The following TNRC6C variants were observed in gnomAD, a reference collection of about 807,000 sequenced individuals.
TNRC6C encodes the protein trinucleotide repeat-containing gene 6C protein.
In TNRC6C, 20 loss-of-function variants were observed where a neutral mutation model predicts 153.7. That is an observed-to-expected ratio of 0.13 (90% CI 0.09 to 0.19). The LOEUF is 0.19. TNRC6C is among the 10% of genes least tolerant of loss of function. The pLI, the probability that TNRC6C is intolerant of heterozygous loss-of-function variation, is 1.00. For synonymous variants in TNRC6C, 811 were observed against 841.4 expected, an observed-to-expected ratio of 0.96 and a Z score of 0.63; for missense variants, 1,987 against 2,172.0, an observed-to-expected ratio of 0.91 and a Z score of 1.69.
intron 17 of TNRC6C, among the ~76,000 whole-genome samples, chr17:78,099,451 A>G (rs1172983827): frequency 2.0e-5 from 3 of 152,224 alleles, no homozygotes; most frequent in Admixed American, 1.3e-4. Context: ...CAATCCTGGT[A>G]GAAGGTGAAA....
chr17:78,015,386 G>A (rs896236626), intron 1 of TNRC6C, among the ~76,000 whole-genome samples: 7 of 152,048 alleles, frequency 4.6e-5, no homozygotes, highest in African/African-American at 1.7e-4. Context: ...TAAAATGTGT[G>A]GGTTAAAAAT....
intron 8 of TNRC6C, among the ~76,000 whole-genome samples, chr17:78,076,429 A>G (rs1313040256): frequency 6.6e-6 from 1 of 152,206 alleles, no homozygotes; most frequent in East Asian, 1.9e-4. Context: ...TTGGAATTAC[A>G]GATAAATAAT....
At position 77,976,657 on chromosome 17, in the gene TNRC6C, G is replaced by A. The variant is rs144176679; in HGVS notation, c.-38+17389G>A. ...ATATATAAAACTTGGGGCCGGATAC[G>A]GTGGCTCATGCCTGTAATCCCAGCA... On this transcript the variant is annotated intron_variant, in intron 1 of 22. Transcript: ENST00000636222. Among the ~76,000 whole-genome samples the A allele has an allele frequency of 2.7e-3, 410 of 152,174 alleles. 1 individual carries two copies. The highest frequency in any genetic ancestry group is 7.9e-3 in the African/African-American group (328 of 41,518).
At chr17:78,004,213 GAAAAGA>G (rs766553751), upstream of TNRC6C, 28 of 1,231,478 alleles carry the variant, frequency 2.3e-5, no homozygotes, top group Non-Finnish European at 2.5e-5. Context: ...TTTGATGGAA[GAAAAGA>G]AAAAGAAAAA....
At chr17:77,961,857 C>T (rs2070865523) in intron 1 of TNRC6C, among the ~76,000 whole-genome samples, 2 of 152,222 alleles carry the variant, frequency 1.3e-5, no homozygotes, top group Non-Finnish European at 2.9e-5. Flanking sequence ...ATCACCGCTA[C>T]CGCCACCTTT....
exon 4 of TNRC6C, chr17:78,064,781 G>C: frequency 6.2e-7 from 1 of 1,613,846 alleles, no homozygotes; most frequent in Non-Finnish European, 8.5e-7. Context: ...CTCTTGGGGA[G>C]AACCATCCTC....
intron 18 of TNRC6C, chr17:78,102,809 AT>A (rs1263669233): frequency 2.2e-6 from 1 of 462,104 alleles, no homozygotes; most frequent in Non-Finnish European, 3.8e-6. Context: ...TGCTCTGTAA[AT>A]AGAATTGTTT....
intron 3 of TNRC6C, among the ~76,000 whole-genome samples, chr17:78,055,276 G>A (rs1406221130): frequency 3.3e-5 from 5 of 152,094 alleles, no homozygotes; most frequent in African/African-American, 1.2e-4. Flanking sequence ...GTTAGCCTAG[G>A]CCTACACAGG....
upstream of TNRC6C, among the ~76,000 whole-genome samples, chr17:77,999,718 C>G (rs2071382554): frequency 6.6e-6 from 1 of 152,208 alleles, no homozygotes; most frequent in South Asian, 2.1e-4. Flanking sequence ...AGGCCAGGAG[C>G]TGTTTTCATC....
chr17:78,083,707 G>A (rs2073222998), intron 11 of TNRC6C, among the ~76,000 whole-genome samples: 1 of 152,228 alleles, frequency 6.6e-6, no homozygotes, highest in African/African-American at 2.4e-5. Context: ...ATTACATATA[G>A]TAGATGCCTT....
At chr17:78,050,311 G>A in exon 3 of TNRC6C, 2 of 1,574,968 alleles carry the variant, frequency 1.3e-6, no homozygotes, top group Non-Finnish European at 1.7e-6. Flanking sequence ...GGAAGGAACG[G>A]GAGAAGGCCG....
chr17:78,077,951 A>G (rs1347427587), intron 9 of TNRC6C, among the ~76,000 whole-genome samples: 2 of 152,160 alleles, frequency 1.3e-5, no homozygotes, highest in Non-Finnish European at 2.9e-5. Context: ...ACCAAAAAAC[A>G]TATCATCCTT....
chr17:78,087,264 T>C (rs1244917490), intron 13 of TNRC6C, among the ~76,000 whole-genome samples, 171 bp downstream of exon 15: 6 of 151,994 alleles, frequency 3.9e-5, no homozygotes, highest in Admixed American at 3.9e-4. Context: ...TCTCAAGGCT[T>C]TTTAATTTTA....
At chr17:78,052,865 A>G (rs567037488) in intron 3 of TNRC6C, among the ~76,000 whole-genome samples, 66 of 152,250 alleles carry the variant, frequency 4.3e-4, no homozygotes, top group African/African-American at 1.5e-3. Context: ...CAGAGGTCAA[A>G]AATCAGTGGT....
intron 1 of TNRC6C, among the ~76,000 whole-genome samples, chr17:78,010,658 A>G (rs2071610520): frequency 6.6e-6 from 1 of 152,228 alleles, no homozygotes; most frequent in African/African-American, 2.4e-5. Flanking sequence ...AATTGATTGT[A>G]TGAGGTATCT....
chr17:78,091,890 A>C (rs1321666871), intron 14 of TNRC6C, among the ~76,000 whole-genome samples: 2 of 152,208 alleles, frequency 1.3e-5, no homozygotes, highest in Admixed American at 6.5e-5. Context: ...TTATGTATCT[A>C]TATTCATCAA....
chr17:78,070,007 C>T (rs1021589699), intron 5 of TNRC6C, among the ~76,000 whole-genome samples: 2 of 152,204 alleles, frequency 1.3e-5, no homozygotes, highest in African/African-American at 4.8e-5. Context: ...TTCTTTATAC[C>T]TTGTTTATAC....
chr17:78,014,906 G>A (rs897735589), intron 1 of TNRC6C, among the ~76,000 whole-genome samples: 1 of 151,836 alleles, frequency 6.6e-6, no homozygotes, highest in African/African-American at 2.4e-5. Context: ...CGTACTCAGA[G>A]CTGTCTTCTG....
At chr17:78,051,390 G>C (rs1040785769) in exon 3 of TNRC6C, 1 of 1,549,540 alleles carries the variant, frequency 6.5e-7, no homozygotes, top group African/African-American at 1.4e-5. Flanking sequence ...ACAGGGTCGA[G>C]ACGCCGCCCC....
Sources: allele counts gnomAD v4.1 joint callset (sites outside exome capture counted in the v4.1 genomes callset), GRCh38; gene constraint gnomAD v4.1.1; transcripts MANE v1.5; gene names NCBI Gene and HGNC (gene_info 2026-07-23, HGNC 2026-07-21).